EP400: variants seen among roughly 807,000 people sequenced by gnomAD.
EP400 encodes E1A binding protein p400.
A neutral mutation model predicts 354.1 loss-of-function variants in EP400; 105 were observed. That is an observed-to-expected ratio of 0.30 (90% CI 0.25 to 0.35). The LOEUF (loss-of-function observed/expected upper bound fraction) is 0.35, where lower values mean the gene tolerates loss of function less well. Ranked by LOEUF, EP400 falls within the 10% of genes least tolerant of loss-of-function variation. The pLI is 1.00. For synonymous variants in EP400, 1,646 were observed against 1,716.9 expected (o/e 0.96, Z 1.02); for missense variants, 3,280 against 4,121.0 (o/e 0.80, Z 5.59).
intron 45 of EP400, 41 bp from the exon 46 acceptor site, chr12:132,062,069 G>T (rs2136605815): frequency 6.4e-7 from 1 of 1,571,300 alleles, no homozygotes; most frequent in East Asian, 2.2e-5. Context: ...CCTGAGTGCT[G>T]TGTGAAATAT....
chr12:132,046,460 A>G (rs928976254), intron 39 of EP400, among the ~76,000 whole-genome samples: 1 of 152,152 alleles, frequency 6.6e-6, no homozygotes, highest in Non-Finnish European at 1.5e-5. Context: ...TGTTACTGGT[A>G]CCTCTGCTAT....
At chr12:132,053,065 G>A in intron 41 of EP400, 81 bp from the exon 42 acceptor site, 1 of 1,460,594 alleles carries the variant, frequency 6.8e-7, no homozygotes, top group Non-Finnish European at 9.6e-7. Context: ...GCACCTGGCA[G>A]CATGGTGTTT....
intron 32 of EP400, among the ~76,000 whole-genome samples, chr12:132,041,381 G>A (rs149828331): frequency 2.0e-5 from 3 of 152,358 alleles, no homozygotes; most frequent in East Asian, 1.9e-4. Flanking sequence ...AGGAGGATGC[G>A]GCGGGCTCCT....
At chr12:131,980,003 G>A (rs1892624119) in intron 3 of EP400, among the ~76,000 whole-genome samples, 1 of 152,232 alleles carries the variant, frequency 6.6e-6, no homozygotes, top group Non-Finnish European at 1.5e-5. Flanking sequence ...TTGAGCAGGT[G>A]TATTCCGTGT....
chr12:132,006,959 A>G, intron 15 of EP400, 82 bp downstream of exon 15: 1 of 1,497,374 alleles, frequency 6.7e-7, no homozygotes, highest in Admixed American at 1.9e-5. Flanking sequence ...GAGTGTGGGG[A>G]CTTGGCTATC....
chr12:131,979,452 C>T (rs948174035), intron 2 of EP400, among the ~76,000 whole-genome samples: 1 of 152,130 alleles, frequency 6.6e-6, no homozygotes, highest in Admixed American at 6.6e-5. Context: ...TTTGAAATTC[C>T]ATTAAAACCA....
chr12:131,959,016 A>G (rs1253346006), intron 1 of EP400, among the ~76,000 whole-genome samples: 1 of 152,194 alleles, frequency 6.6e-6, no homozygotes, highest in Non-Finnish European at 1.5e-5. Context: ...GGGTGTGTCC[A>G]GCAGGACTGG....
At chr12:131,970,702 G>A (rs1245703896) in intron 2 of EP400, among the ~76,000 whole-genome samples, 1 of 152,186 alleles carries the variant, frequency 6.6e-6, no homozygotes, top group Non-Finnish European at 1.5e-5. Context: ...TGGTGACACT[G>A]TGAGGAAACT....
chr12:132,041,490 C>A (rs1398314178), intron 32 of EP400, among the ~76,000 whole-genome samples: 1 of 152,148 alleles, frequency 6.6e-6, no homozygotes, highest in African/African-American at 2.4e-5. Context: ...TTCGGGTCTG[C>A]CTTCTTGTGC....
Position 131,961,774 on chromosome 12 carries a change from G to A in EP400, c.1155G>A (p.Glu385=), listed in dbSNP as rs774580138. The A allele has an allele frequency of 1.0e-4, 162 of 1,614,138 alleles. No homozygotes were observed. Among genetic ancestry groups the A allele is most frequent in the Non-Finnish European group, 1.3e-4 (156 of 1,180,050 alleles). ...AGGCTCTGAAGGAGGTCTTCAAGGA[G>A]TATTTGATTGAACTGTTTTTCTTGC... ...EMQALKEVFK[E]YLIELFFLQH... is the part of the protein sequence containing the mutation. The change falls in exon 2 of 53, where the codon GAG becomes GAA. Residue 385 remains glutamate, a synonymous_variant. Transcript: ENST00000389561.
At chr12:132,037,184 C>T (rs1026541306) in intron 30 of EP400, among the ~76,000 whole-genome samples, 2 of 152,164 alleles carry the variant, frequency 1.3e-5, no homozygotes, top group East Asian at 3.9e-4. Flanking sequence ...GTGACATCTG[C>T]AGCTCACGGT....
chr12:131,970,670 G>A (rs1333453487), intron 2 of EP400, among the ~76,000 whole-genome samples: 1 of 152,132 alleles, frequency 6.6e-6, no homozygotes, highest in East Asian at 1.9e-4. Flanking sequence ...AAGCTGAGAG[G>A]GTTTAGACAC....
At chr12:132,037,102 T>C (rs893759786) in intron 30 of EP400, among the ~76,000 whole-genome samples, 8 of 152,172 alleles carry the variant, frequency 5.3e-5, no homozygotes, top group Non-Finnish European at 1.2e-4. Flanking sequence ...GCATGGTCTG[T>C]TCTGTGTCCC....
intron 29 of EP400, among the ~76,000 whole-genome samples, chr12:132,030,496 A>G (rs193168420): frequency 3.3e-4 from 50 of 152,340 alleles, no homozygotes; most frequent in South Asian, 1.7e-3. Context: ...TTAGGGTAAT[A>G]TGCCCATTGT....
intron 32 of EP400, among the ~76,000 whole-genome samples, chr12:132,042,848 G>A (rs1225237664): frequency 2.0e-5 from 3 of 152,206 alleles, no homozygotes; most frequent in Non-Finnish European, 4.4e-5. Flanking sequence ...CGGTGGACTT[G>A]CTCCGGCTGC....
Position 131,990,930 on chromosome 12 carries a change from T to C in EP400, c.2629+216T>C, listed in dbSNP as rs1225929817. ...GTGTGAGTCAGCACCCCCAAGTTGA[T>C]AAACTCTGGGACACAGAACTGGGGT... On this transcript the variant is annotated intron_variant, in intron 9 of 52. Coordinates refer to ENST00000389561, the MANE Select transcript of EP400 (RefSeq NM_015409.5). The surrounding 1 kb of genome is among the most constrained non-coding windows in gnomAD (Gnocchi z 4.2). Among the ~76,000 whole-genome samples, 1 of 152,192 alleles carries C rather than the reference T, an allele frequency of 6.6e-6. No homozygotes were observed. Among genetic ancestry groups the C allele is most frequent in the Non-Finnish European group, 1.5e-5 (1 of 68,032 alleles).
rs760125901 is a variant in EP400, at chr12:131,961,951, C to T, written c.1332C>T (p.Asp444=). The change falls in exon 2 of 53, where the codon GAC becomes GAT. Residue 444 remains aspartate (D), a synonymous_variant. Coordinates refer to ENST00000389561, the MANE Select transcript of EP400 (RefSeq NM_015409.5). ...AAGAAAAATCTGAGGTTATCAATGA[C>T]GAGGTAAGAAACAGGAGTTAATTTG... The part of the protein sequence containing the change: ...EEEEKSEVIN[D]EQQALAGSLV... 6.8e-6 allele frequency: 11 copies of T among 1,609,896 alleles called. No homozygotes were observed. The highest frequency in any genetic ancestry group is 5.5e-5 in the South Asian group (5 of 90,956).
rs375724807 is a variant in EP400 at position 132,032,102 on chromosome 12, G to A, written c.5904G>A (p.Gln1968=). 1 of 1,614,192 alleles carries A rather than the reference G, an allele frequency of 6.2e-7. No homozygotes were observed. The highest frequency in any genetic ancestry group is 8.5e-7 in the Non-Finnish European group (1 of 1,180,022). Residue 1968 remains glutamine (Q), a synonymous_variant, in exon 30 of 53, where the codon CAG becomes CAA. Coordinates refer to ENST00000389561, the MANE Select transcript of EP400 (RefSeq NM_015409.5). ...DLNPVMDAKA[Q]EWCDRIGRCK... is the part of the protein sequence containing the mutation. ...ATCCAGTGATGGATGCCAAAGCTCA[G>A]GAGTGGTGCGATAGGATCGGGAGAT...
In EP400 at chr12:132,013,269, A is replaced by G; in HGVS notation, c.3611+91A>G. The G allele has an allele frequency of 6.7e-7, 1 of 1,482,690 alleles. No homozygotes were observed. The allele number at this position is 1,482,690 out of a possible 1,614,324, so 91.8% of individuals were successfully genotyped here. ...AATCTGCATAATTGCAGACACAAACAATGGCCTTTGAGCTAGAGAATTGCT... is the reference window on the plus strand; with the variant it reads ...AATCTGCATAATTGCAGACACAAACGATGGCCTTTGAGCTAGAGAATTGCT... On this transcript the variant is annotated intron_variant, in intron 17 of 52. Transcript: ENST00000389561. This position sits in a 1 kb window ranked among gnomAD's most constrained non-coding sequence, Gnocchi z 4.5.
Sources: gnomAD v4.1 joint callset for allele counts (sites outside exome capture counted in the v4.1 genomes callset) on GRCh38, gnomAD v4.1.1 for gene constraint, Gnocchi (gnomAD v3.1) non-coding constraint, MANE v1.5 for transcripts, NCBI Gene and HGNC (gene_info 2026-07-23, HGNC 2026-07-21) for gene names.